The following STIL variants were observed in gnomAD, a reference collection of about 807,000 sequenced individuals.
The protein encoded by STIL is STIL centriolar assembly protein.
In STIL, 55 loss-of-function variants were observed where a neutral mutation model predicts 110.1. The observed-to-expected ratio is 0.50, with a 90% CI of 0.40 to 0.63. The LOEUF is 0.63. Among genes scored for constraint, STIL ranks in the 20% least tolerant of loss-of-function variants. The pLI is 0.00. For missense variants in STIL, 1,358 were observed against 1,530.0 expected (o/e 0.89, Z 1.87); for synonymous variants, 481 against 530.0 (o/e 0.91, Z 1.27).
intron 15 of STIL, among the ~76,000 whole-genome samples, chr1:47,260,768 C>T (rs1156759994): frequency 6.6e-6 from 1 of 152,066 alleles, no homozygotes; most frequent in African/African-American, 2.4e-5. Context: ...ACTTAGGAGG[C>T]TGAAGTAGGA....
chr1:47,268,780 TAAA>T (rs780752835), intron 14 of STIL, among the ~76,000 whole-genome samples: 27,533 of 150,676 alleles, frequency 0.18, 2,575 homozygotes, highest in Non-Finnish European at 0.21. Context: ...AATAAATAAA[TAAA>T]TAAATAAATT....
intron 12 of STIL, among the ~76,000 whole-genome samples, chr1:47,276,422 A>G (rs537144935): frequency 5.3e-5 from 8 of 152,212 alleles, no homozygotes; most frequent in Non-Finnish European, 1.0e-4. Context: ...ATACATATAT[A>G]TATATATGAA....
intron 14 of STIL, among the ~76,000 whole-genome samples, chr1:47,267,617 G>A (rs573971320): frequency 1.4e-5 from 2 of 146,672 alleles, no homozygotes; most frequent in African/African-American, 5.0e-5. Context: ...AGGTTGCAGT[G>A]AGCCAAGATC....
intron 6 of STIL, among the ~76,000 whole-genome samples, chr1:47,298,954 T>C (rs1645719650): frequency 6.6e-6 from 1 of 152,082 alleles, no homozygotes; most frequent in South Asian, 2.1e-4. Context: ...TTTCACCATG[T>C]TGGTGAGGCT....
At chr1:47,313,779 T>G (rs1306680549) in intron 1 of STIL, among the ~76,000 whole-genome samples, 1 of 152,210 alleles carries the variant, frequency 6.6e-6, no homozygotes, top group Non-Finnish European at 1.5e-5. Context: ...GTTTCAGTCC[T>G]CAAGAAATTC....
At chr1:47,290,995 A>C (rs1645469626) in intron 8 of STIL, among the ~76,000 whole-genome samples, 2 of 152,114 alleles carry the variant, frequency 1.3e-5, no homozygotes. Flanking sequence ...TCCTTTGCCT[A>C]GGACAGTGCC....
At position 47,272,155 on chromosome 1, in the gene STIL, T is replaced by C; in HGVS notation, c.2304A>G (p.Gln768=). The change falls in exon 13 of 17, where the codon CAA becomes CAG. Residue 768 remains glutamine, a synonymous_variant. Coordinates refer to ENST00000371877, the MANE Select transcript of STIL (RefSeq NM_001048166.1). ...AVEDTVQAGR[Q]MELVSVEAQS... ...GTGCTTCCACAGAAACCAACTCCAT[T>C]TGTCTTCCAGCTTGCACTGTGTCTT... The C allele has an allele frequency of 1.2e-6, 2 of 1,614,164 alleles. No homozygotes were observed. Among genetic ancestry groups the C allele is most frequent in the Non-Finnish European group, 1.7e-6 (2 of 1,180,020 alleles).
rs142654448 is a variant in STIL at position 47,291,412 on chromosome 1, T to TTAAA, written c.873-1831_873-1828dup. 2.7e-3 allele frequency among the ~76,000 whole-genome samples: 414 copies of TTAAA among 151,644 alleles called. 2 individuals are homozygous for TTAAA. Among genetic ancestry groups the TTAAA allele is most frequent in the African/African-American group, 9.5e-3 (393 of 41,394 alleles). On this transcript the variant is annotated intron_variant, in intron 8 of 16. Transcript: ENST00000371877. ...TAAATAAAAATTTAAAAATTAAAAA[T>TTAAA]TAAATAAATAAATAAATAAACGGCA...
intron 6 of STIL, among the ~76,000 whole-genome samples, chr1:47,298,938 A>G (rs1465647510): frequency 6.6e-6 from 1 of 151,668 alleles, no homozygotes; most frequent in Non-Finnish European, 1.5e-5. Context: ...TTTAGTAGAG[A>G]TGGAGTTTCA....
rs895575402 is a variant in STIL, at chr1:47,275,131, G to A, written c.2218-2890C>T. Among the ~76,000 whole-genome samples, 14 of 134,290 alleles carry A rather than the reference G, an allele frequency of 1.0e-4. 1 individual carries two copies. The highest frequency in any genetic ancestry group is 2.2e-4 in the Non-Finnish European group (14 of 63,204). 88.1% of individuals were successfully genotyped at this position (134,290 alleles called of 152,430 possible). The stretch of plus-strand genomic sequence containing the variant: ...AGTGCCCTCCAGCCTGGGTTACAGA[G>A]CAAGACTCTGTCTCATCAACAACAA... On this transcript the variant is annotated intron_variant, in intron 12 of 16. Transcript: ENST00000371877.
At chr1:47,313,823 C>G (rs1466213962) in intron 1 of STIL, among the ~76,000 whole-genome samples, 3 of 152,210 alleles carry the variant, frequency 2.0e-5, no homozygotes, top group Non-Finnish European at 4.4e-5. Flanking sequence ...GGCACGTTAT[C>G]GACTGCAAAC....
chr1:47,273,344 C>T (rs1361682914), intron 12 of STIL, among the ~76,000 whole-genome samples: 1 of 152,186 alleles, frequency 6.6e-6, no homozygotes, highest in African/African-American at 2.4e-5. Flanking sequence ...AAACTCTGTA[C>T]CCATTAGCAG....
At chr1:47,285,020 CTTTTTT>C (rs35801422) in intron 10 of STIL, among the ~76,000 whole-genome samples, 4 of 134,694 alleles carry the variant, frequency 3.0e-5, no homozygotes, top group African/African-American at 1.1e-4. Flanking sequence ...CATTTTTTGT[CTTTTTT>C]TTTTTTTTTT....
chr1:47,309,580 C>G (rs981106671), intron 2 of STIL, among the ~76,000 whole-genome samples: 1 of 151,994 alleles, frequency 6.6e-6, no homozygotes, highest in Non-Finnish European at 1.5e-5. Flanking sequence ...AGAATAAAGG[C>G]GACCCATGAA....
chr1:47,270,811 T>A (rs1159437525), intron 13 of STIL, among the ~76,000 whole-genome samples: 1 of 151,662 alleles, frequency 6.6e-6, no homozygotes, highest in African/African-American at 2.4e-5. Flanking sequence ...CCCGAGTAGC[T>A]GGGACTGCAG....
At chr1:47,300,208 CA>C (rs900775347) in intron 5 of STIL, 56 bp from the exon 6 acceptor site, 1 of 1,543,874 alleles carries the variant, frequency 6.5e-7, no homozygotes, top group Non-Finnish European at 8.8e-7. Context: ...CCCATATCGC[CA>C]AAGTTTATTT....
chr1:47,286,845 C>A (rs1645315755), intron 10 of STIL, among the ~76,000 whole-genome samples: 1 of 152,002 alleles, frequency 6.6e-6, no homozygotes, highest in Non-Finnish European at 1.5e-5. Flanking sequence ...CTGTACATTT[C>A]CTATGTGATT....
At chr1:47,314,439 C>T (rs762822340), upstream of STIL, among the ~76,000 whole-genome samples, 1 of 152,172 alleles carries the variant, frequency 6.6e-6, no homozygotes, top group Non-Finnish European at 1.5e-5. Context: ...TCCGCAAGCG[C>T]AATGGAAAGC....
chr1:47,266,032 T>A (rs771316007), intron 14 of STIL, among the ~76,000 whole-genome samples: 3 of 152,006 alleles, frequency 2.0e-5, no homozygotes, highest in Non-Finnish European at 2.9e-5. Context: ...CCTCCCAAAG[T>A]GCTAAGATTA....
Sources: gnomAD v4.1 joint callset for allele counts (sites outside exome capture counted in the v4.1 genomes callset) on GRCh38, gnomAD v4.1.1 for gene constraint, MANE v1.5 for transcripts, NCBI Gene and HGNC (gene_info 2026-07-23, HGNC 2026-07-21) for gene names.